Variants in ZCCHC14 observed in about 807,000 individuals in gnomAD.
ZCCHC14 encodes the protein zinc finger CCHC domain-containing protein 14.
A neutral mutation model predicts 85.0 loss-of-function variants in ZCCHC14; 16 were observed. The observed-to-expected ratio is 0.19, with a 90% CI of 0.13 to 0.29. The LOEUF (loss-of-function observed/expected upper bound fraction) is 0.29. Among genes scored for constraint, ZCCHC14 ranks in the 10% least tolerant of loss-of-function variants. ZCCHC14 has a pLI of 1.00. For missense variants in ZCCHC14, 1,303 were observed against 1,443.5 expected, an observed-to-expected ratio of 0.90 and a Z score of 1.58; for synonymous variants, 775 against 630.7, an observed-to-expected ratio of 1.23 and a Z score of -3.43.
chr16:87,459,232 T>G (rs924582660), intron 2 of ZCCHC14, among the ~76,000 whole-genome samples: 8 of 152,078 alleles, frequency 5.3e-5, no homozygotes, highest in African/African-American at 1.9e-4. Flanking sequence ...ACCAACTCAG[T>G]GCAGGTGGAA....
At chr16:87,468,296 A>T (rs1028178897) in intron 1 of ZCCHC14, among the ~76,000 whole-genome samples, 2 of 152,148 alleles carry the variant, frequency 1.3e-5, no homozygotes, top group African/African-American at 4.8e-5. Context: ...AATGGTAAGG[A>T]TTTTATTTAA....
rs752473950 is a variant in ZCCHC14, at chr16:87,460,119, T to C, written c.583A>G (p.Thr195Ala). ...CTGACACTGCTGACAGGGGCCTCAG[T>C]TCTTGGAGTGATCTGAGGGAACAGA... ...CPACHKITPR[T>A]EAPVSSVSNS... Residue 195 changes from threonine (T) to alanine (A), a missense_variant, in exon 2 of 13, where the codon ACT (threonine) becomes GCT (alanine). This residue lies in a region of ZCCHC14 where 389 missense variants were observed against 397.8 expected (regional missense o/e 0.98). Coordinates refer to ENST00000671377, the MANE Select transcript of ZCCHC14 (RefSeq NM_015144.3). 2.9e-5 allele frequency: 47 copies of C among 1,614,042 alleles called. No homozygotes were observed. In the South Asian group the frequency reaches 4.8e-4, roughly 17 times the overall value.
At chr16:87,477,771 A>G (rs148073528) in intron 1 of ZCCHC14, among the ~76,000 whole-genome samples, 2,532 of 151,806 alleles carry the variant, frequency 0.017, 21 homozygotes, top group Middle Eastern at 0.035. Context: ...CCCCCACCGC[A>G]TCCCCCTGAG....
chr16:87,443,148 G>C (rs193033451), intron 2 of ZCCHC14, among the ~76,000 whole-genome samples: 1 of 152,172 alleles, frequency 6.6e-6, no homozygotes, highest in Non-Finnish European at 1.5e-5. Context: ...AATCATTAAC[G>C]CGGTCCCAAG....
chr16:87,444,771 G>T (rs568303703), intron 2 of ZCCHC14, among the ~76,000 whole-genome samples: 1 of 152,156 alleles, frequency 6.6e-6, no homozygotes, highest in South Asian at 2.1e-4. Flanking sequence ...AGCAGCTACT[G>T]AAGGATACAA....
At chr16:87,436,383 T>C (rs1027175914) in intron 2 of ZCCHC14, among the ~76,000 whole-genome samples, 6 of 152,238 alleles carry the variant, frequency 3.9e-5, no homozygotes, top group African/African-American at 9.6e-5. Flanking sequence ...ACTCCTGCCC[T>C]GGACCCCATG....
Position 87,423,754 on chromosome 16 carries a change from C to T in ZCCHC14, c.840+56G>A, listed in dbSNP as rs373280315. On this transcript the variant is annotated intron_variant, in intron 4 of 12. Transcript: ENST00000671377. ...CTCTGAAATTACTCCGTGGTATCAT[C>T]AGCCACTGGGGAATGTGATTCTTTT... is the stretch of plus-strand genomic sequence containing the variant. 1.7e-4 allele frequency: 274 copies of T among 1,585,544 alleles called. 1 individual carries two copies. The African/African-American group carries it at 3.5e-3, about 20-fold the overall frequency.
rs1430822746 is a variant in ZCCHC14 at position 87,463,479 on chromosome 16, C to T, written c.571-3348G>A. 2.6e-5 allele frequency among the ~76,000 whole-genome samples: 4 copies of T among 152,318 alleles called. No individual in the cohort carries two copies. In the East Asian group the frequency reaches 5.8e-4, roughly 22 times the overall value. ...AGCTACTTTGGTACATATTCTAAGTCCTGGTTCTAAGAAGAGAAAGTGAGC... is the reference window on the plus strand; with the variant it reads ...AGCTACTTTGGTACATATTCTAAGTTCTGGTTCTAAGAAGAGAAAGTGAGC... On this transcript the variant is annotated intron_variant, in intron 1 of 12. Transcript: ENST00000671377.
At chr16:87,481,534 G>GGT (rs1567544349) in intron 1 of ZCCHC14, among the ~76,000 whole-genome samples, 11 of 29,074 alleles carry the variant, frequency 3.8e-4, no homozygotes, top group African/African-American at 9.7e-4. Context: ...AACGGGGGGG[G>GGT]GGGGGGGTGG....
At chr16:87,461,559 C>A (rs1911259900) in intron 1 of ZCCHC14, among the ~76,000 whole-genome samples, 1 of 152,226 alleles carries the variant, frequency 6.6e-6, no homozygotes, top group Non-Finnish European at 1.5e-5. Context: ...CTTGTTCTTT[C>A]ATCTCATACC....
chr16:87,436,857 G>C (rs1909948134), intron 2 of ZCCHC14, among the ~76,000 whole-genome samples: 1 of 152,356 alleles, frequency 6.6e-6, no homozygotes, highest in South Asian at 2.1e-4. Flanking sequence ...GAACAGCTGT[G>C]TACGGTGGCG....
chr16:87,425,152 A>G (rs1567515603), intron 3 of ZCCHC14, among the ~76,000 whole-genome samples: 1 of 152,110 alleles, frequency 6.6e-6, no homozygotes, highest in Admixed American at 6.5e-5. Flanking sequence ...AGGCCAGTCG[A>G]GGAAAGGGCC....
intron 1 of ZCCHC14, among the ~76,000 whole-genome samples, chr16:87,468,935 G>C (rs1040881523): frequency 6.6e-6 from 1 of 152,126 alleles, no homozygotes; most frequent in African/African-American, 2.4e-5. Context: ...CCTGGGAGCT[G>C]GCAAACGACG....
intron 1 of ZCCHC14, among the ~76,000 whole-genome samples, chr16:87,477,153 C>CAAAAAAAAAAAAA (rs1412376609): frequency 8.6e-5 from 10 of 116,202 alleles, no homozygotes; most frequent in African/African-American, 4.5e-4. Flanking sequence ...AAAACAAAAC[C>CAAAAAAAAAAAAA]AAAAAAAAAT....
chr16:87,412,974 C>A lies in ZCCHC14; in HGVS notation c.1747G>T (p.Val583Leu). 1 of 1,612,218 alleles carries A rather than the reference C, an allele frequency of 6.2e-7. No individual in the cohort carries two copies. Among genetic ancestry groups the A allele is most frequent in the South Asian group, 1.1e-5 (1 of 90,818 alleles). The change falls in exon 12 of 13, where the codon GTG becomes TTG. Residue 583 changes from valine (V) to leucine (L), a missense_variant and splice_region_variant. Val to Leu is a conservative substitution (Grantham distance 32). Around this residue, in one of 7 missense-constraint regions of ZCCHC14, gnomAD observed 797 missense variants for 730.8 expected, o/e 1.09. Coordinates refer to ENST00000671377, the MANE Select transcript of ZCCHC14 (RefSeq NM_015144.3). ...TCAGAGCTCTCCAAGTGAATCTCCA[C>A]ACCTAGAGAGGGAAACAAGAGTGGT... ...SDSAEENDRR[V>L]EIHLESSDKE...
chr16:87,411,091 C>T (rs1204178286), intron 12 of ZCCHC14, among the ~76,000 whole-genome samples: 1 of 152,222 alleles, frequency 6.6e-6, no homozygotes, highest in Non-Finnish European at 1.5e-5. Context: ...TGACAGCCCC[C>T]CACACCCACA....
intron 12 of ZCCHC14, among the ~76,000 whole-genome samples, chr16:87,410,605 C>T (rs574089749): frequency 3.3e-5 from 5 of 152,342 alleles, no homozygotes; most frequent in Admixed American, 6.5e-5. Flanking sequence ...GCTCTGCACA[C>T]GTCAGGCGGG....
chr16:87,470,986 A>G (rs1167388058), intron 1 of ZCCHC14: 4 of 152,210 alleles, frequency 2.6e-5, no homozygotes, highest in Admixed American at 2.6e-4. Context: ...GATGTGAATG[A>G]TATGAAAAGT....
chr16:87,467,157 G>A, intron 1 of ZCCHC14: 1 of 1,233,460 alleles, frequency 8.1e-7, no homozygotes, highest in African/African-American at 1.5e-5. Flanking sequence ...GTTGATAGAT[G>A]AAAACTGTCT....
Sources: gnomAD v4.1 joint callset for allele counts (sites outside exome capture counted in the v4.1 genomes callset) on GRCh38, gnomAD v4.1.1 for gene constraint, gnomAD v4.1.1 regional missense constraint, MANE v1.5 for transcripts, NCBI Gene and HGNC (gene_info 2026-07-23, HGNC 2026-07-21) for gene names.